IL1RAPL1: variants seen among roughly 807,000 people sequenced by gnomAD.
The protein encoded by IL1RAPL1 is interleukin-1 receptor accessory protein-like 1.
A neutral mutation model predicts 48.4 loss-of-function variants in IL1RAPL1; 3 were observed. The ratio of observed to expected loss-of-function variants is 0.06; its 90% CI spans 0.03 to 0.16. The LOEUF is 0.16. Ranked by LOEUF, IL1RAPL1 falls within the 10% of genes least tolerant of loss-of-function variation. The pLI is 1.00. For missense variants in IL1RAPL1, 349 were observed against 530.6 expected, an observed-to-expected ratio of 0.66 and a Z score of 3.36; for synonymous variants, 185 against 187.7, an observed-to-expected ratio of 0.99 and a Z score of 0.12.
chrX:29,697,658 C>T (rs1441562802), intron 6 of IL1RAPL1, among the ~76,000 whole-genome samples: 1 of 112,231 alleles, frequency 8.9e-6, no homozygotes, highest in East Asian at 2.8e-4. Flanking sequence ...TTAAAGTCCT[C>T]CTTACAGTTA....
chrX:28,938,633 A>C (rs1211959359), intron 2 of IL1RAPL1, among the ~76,000 whole-genome samples: 1 of 111,763 alleles, frequency 8.9e-6, no homozygotes, highest in African/African-American at 3.2e-5. Context: ...TTTCATGACA[A>C]AGATGCCAAA....
chrX:29,944,337 A>G (rs1458012374), intron 9 of IL1RAPL1, among the ~76,000 whole-genome samples: 1 of 111,565 alleles, frequency 9.0e-6, no homozygotes, highest in African/African-American at 3.3e-5. Flanking sequence ...AATGGTGGTC[A>G]GGGCCCCACT....
chrX:29,322,594 C>T (rs1265937954), intron 3 of IL1RAPL1, among the ~76,000 whole-genome samples: 1 of 112,040 alleles, frequency 8.9e-6, no homozygotes, highest in Non-Finnish European at 1.9e-5. Context: ...TTCAAAATAT[C>T]TGTGTCAGTT....
At chrX:29,234,707 T>C (rs148235095) in intron 2 of IL1RAPL1, among the ~76,000 whole-genome samples, 3 of 111,944 alleles carry the variant, frequency 2.7e-5, no homozygotes, top group African/African-American at 6.5e-5. Context: ...GAGTAAAACC[T>C]TGGGTTTAGA....
intron 2 of IL1RAPL1, among the ~76,000 whole-genome samples, chrX:29,164,526 A>G (rs1929748052): frequency 9.0e-6 from 1 of 111,608 alleles, no homozygotes; most frequent in Admixed American, 9.6e-5. Context: ...ACCTTATTCT[A>G]CTCAAAGTAT....
At chrX:29,586,580 C>A (rs1374140564) in intron 5 of IL1RAPL1, among the ~76,000 whole-genome samples, 1 of 111,350 alleles carries the variant, frequency 9.0e-6, no homozygotes, top group Non-Finnish European at 1.9e-5. Flanking sequence ...TGTAAAAATG[C>A]CATGGAGATT....
Position 29,492,199 on chromosome X carries a change from G to A in IL1RAPL1, c.703+92891G>A, listed in dbSNP as rs140766077. ...TGAAATCTTATTCACAACCGTAAGTGAAGTCTTGTAACCGTAAGTGAAGTC... is the reference window on the plus strand; with the variant it reads ...TGAAATCTTATTCACAACCGTAAGTAAAGTCTTGTAACCGTAAGTGAAGTC... On this transcript the variant is annotated intron_variant, in intron 5 of 10. Coordinates refer to ENST00000378993, the MANE Select transcript of IL1RAPL1 (RefSeq NM_014271.4). Among the ~76,000 whole-genome samples, 850 of 112,515 alleles carry A rather than the reference G, an allele frequency of 7.6e-3. 3 individuals carry two copies. The highest frequency in any genetic ancestry group is 0.013 in the Non-Finnish European group (670 of 53,230).
At chrX:29,626,959 T>C (rs1924633336) in intron 5 of IL1RAPL1, among the ~76,000 whole-genome samples, 1 of 112,506 alleles carries the variant, frequency 8.9e-6, no homozygotes, top group African/African-American at 3.2e-5. Flanking sequence ...CAAAGTTTGA[T>C]GGTAAATTAT....
chrX:28,778,742 T>G (rs1330544202), intron 1 of IL1RAPL1, among the ~76,000 whole-genome samples: 1 of 111,810 alleles, frequency 8.9e-6, no homozygotes, highest in East Asian at 2.8e-4. Context: ...TGGCAGTGTA[T>G]GAAACATATC....
rs1451840399 is a variant in IL1RAPL1, at chrX:29,802,783, GTGTGTGTGTATATA to G, written c.779-114679_779-114666del. ...TATATATATATATATATATATATAT[GTGTGTGTGTATATA>G]TATATATATATATGTGTGTATATAT... is the stretch of plus-strand genomic sequence containing the variant. On this transcript the variant is annotated intron_variant, in intron 6 of 10. Transcript: ENST00000378993. Among the ~76,000 whole-genome samples the G allele has an allele frequency of 3.0e-3, 57 of 19,278 alleles. 1 individual carries two copies. The highest frequency in any genetic ancestry group is 0.011 in the African/African-American group (57 of 5,015). The allele number at this position is 19,278 out of a possible 115,157, so 16.7% of individuals were successfully genotyped here. A position where few individuals can be genotyped will look rare whatever the true frequency, so the allele number is the denominator to read the frequency against.
chrX:28,736,131 T>G (rs1317322499), intron 1 of IL1RAPL1, among the ~76,000 whole-genome samples: 5 of 111,513 alleles, frequency 4.5e-5, no homozygotes, highest in Non-Finnish European at 9.4e-5. Flanking sequence ...CAATCCTTGT[T>G]CATTAAAATG....
At chrX:29,885,021 A>G (rs1384411884) in intron 6 of IL1RAPL1, among the ~76,000 whole-genome samples, 3 of 107,107 alleles carry the variant, frequency 2.8e-5, no homozygotes, top group African/African-American at 1.1e-4. Flanking sequence ...ACAAGGCCCA[A>G]TCTGGGTGAA....
chrX:29,857,552 A>G (rs1337930065), intron 6 of IL1RAPL1, among the ~76,000 whole-genome samples: 2 of 111,839 alleles, frequency 1.8e-5, no homozygotes, highest in South Asian at 7.3e-4. Context: ...GAAGAATGAC[A>G]CCTTCTTATG....
At chrX:29,571,003 C>T (rs908852707) in intron 5 of IL1RAPL1, among the ~76,000 whole-genome samples, 2 of 111,852 alleles carry the variant, frequency 1.8e-5, no homozygotes, top group African/African-American at 3.2e-5. Context: ...GGGTGGATCA[C>T]GAGGTCAGCA....
At chrX:29,659,067 A>G (rs1925767658) in intron 5 of IL1RAPL1, among the ~76,000 whole-genome samples, 1 of 111,993 alleles carries the variant, frequency 8.9e-6, no homozygotes, top group African/African-American at 3.2e-5. Flanking sequence ...ATATGGAACG[A>G]AATGGAGCCC....
intron 2 of IL1RAPL1, among the ~76,000 whole-genome samples, chrX:28,897,913 G>A (rs1168842162): frequency 9.0e-6 from 1 of 111,123 alleles, no homozygotes; most frequent in Admixed American, 9.5e-5. Context: ...AGGAGTGGGG[G>A]TCAGAAGGTG....
At chrX:29,878,002 T>A (rs1309979066) in intron 6 of IL1RAPL1, among the ~76,000 whole-genome samples, 1 of 111,996 alleles carries the variant, frequency 8.9e-6, no homozygotes, top group Non-Finnish European at 1.9e-5. Context: ...ACTGTAGGGT[T>A]ATTAGCAAAT....
At chrX:29,081,691 G>A (rs1052223133) in intron 2 of IL1RAPL1, among the ~76,000 whole-genome samples, 1 of 111,569 alleles carries the variant, frequency 9.0e-6, no homozygotes, top group Admixed American at 9.6e-5. Flanking sequence ...CCTTTGTGCT[G>A]TTTCAGAGAA....
intron 2 of IL1RAPL1, among the ~76,000 whole-genome samples, chrX:29,125,463 A>G (rs913490516): frequency 3.5e-4 from 39 of 112,176 alleles, no homozygotes; most frequent in Non-Finnish European, 2.8e-4. Flanking sequence ...TGTGTTCATC[A>G]TTATTATATT....
Sources: gnomAD v4.1 joint callset for allele counts (sites outside exome capture counted in the v4.1 genomes callset) on GRCh38, gnomAD v4.1.1 for gene constraint, MANE v1.5 for transcripts, NCBI Gene and HGNC (gene_info 2026-07-23, HGNC 2026-07-21) for gene names.